The following STIM1 variants were observed in gnomAD, a reference collection of about 807,000 sequenced individuals.
STIM1 encodes the protein stromal interaction molecule 1.
A neutral mutation model predicts 74.7 loss-of-function variants in STIM1; 25 were observed. The ratio of observed to expected loss-of-function variants is 0.33; its 90% CI spans 0.24 to 0.47. The LOEUF (loss-of-function observed/expected upper bound fraction) is 0.47, where lower values mean the gene tolerates loss of function less well. Among genes scored for constraint, STIM1 ranks in the 20% least tolerant of loss-of-function variants. The pLI is 1.00. For missense variants in STIM1, 728 were observed against 920.8 expected, an observed-to-expected ratio of 0.79 and a Z score of 2.71; for synonymous variants, 328 against 348.8, an observed-to-expected ratio of 0.94 and a Z score of 0.66.
At chr11:3,995,308 T>A (rs1446653195) in intron 2 of STIM1, among the ~76,000 whole-genome samples, 1 of 152,200 alleles carries the variant, frequency 6.6e-6, no homozygotes, top group Non-Finnish European at 1.5e-5. Context: ...GTCTGATTCC[T>A]CTGGGGCTTA....
At chr11:3,950,180 C>T (rs904036339) in intron 1 of STIM1, among the ~76,000 whole-genome samples, 1 of 148,592 alleles carries the variant, frequency 6.7e-6, no homozygotes, top group South Asian at 2.1e-4. Context: ...GTTGCCCAGG[C>T]TGGAGTGGAG....
In STIM1 at chr11:4,023,994, G is replaced by A. The variant is rs370889167; in HGVS notation, c.385+7G>A. On this transcript the variant is annotated splice_region_variant and intron_variant, in intron 3 of 12. Transcript: ENST00000526596. ...GCATGGAAGTCATCAGAAGGTAATA[G>A]GCAGCCTGGTCATCAATCCTAGTTG... is the stretch of plus-strand genomic sequence containing the variant. 22 of 1,610,212 alleles carry A rather than the reference G, an allele frequency of 1.4e-5. No individual in the cohort carries two copies. The highest frequency in any genetic ancestry group is 6.7e-5 in the Admixed American group (4 of 59,996).
chr11:4,009,302 A>G (rs1590644250), intron 2 of STIM1, among the ~76,000 whole-genome samples: 1 of 148,904 alleles, frequency 6.7e-6, no homozygotes, highest in African/African-American at 2.5e-5. Flanking sequence ...CAAAAAAAAA[A>G]AAAAAGTTGC....
In STIM1 at chr11:3,977,760, A is replaced by AT. The variant is rs1055831937; in HGVS notation, c.270+10088dup. Among the ~76,000 whole-genome samples, 17 of 150,622 alleles carry AT rather than the reference A, an allele frequency of 1.1e-4. No individual in the cohort carries two copies. In the East Asian group the frequency reaches 1.2e-3, roughly 10 times the overall value. On this transcript the variant is annotated intron_variant, in intron 2 of 12. Transcript: ENST00000526596. ...AATAACCTTACCTTTCTGAGCCTTG[A>AT]TTTTTTTTTTAAGCTATTTGAAGAG...
intron 2 of STIM1, among the ~76,000 whole-genome samples, chr11:3,976,786 G>A (rs1480864941): frequency 1.3e-5 from 2 of 151,506 alleles, no homozygotes; most frequent in Non-Finnish European, 2.9e-5. Flanking sequence ...GAGCCACCAC[G>A]CCTAGCCTGA....
chr11:4,018,438 G>A (rs549015425), intron 2 of STIM1, among the ~76,000 whole-genome samples: 7 of 98,300 alleles, frequency 7.1e-5, no homozygotes, highest in Admixed American at 1.7e-4. Context: ...CGGCCTGGGC[G>A]ACAGAGCGAG....
At chr11:3,882,009 G>T (rs1419416774) in intron 1 of STIM1, among the ~76,000 whole-genome samples, 2 of 150,346 alleles carry the variant, frequency 1.3e-5, no homozygotes, top group Non-Finnish European at 3.0e-5. Flanking sequence ...ATGATGTATT[G>T]TGTCTGGCTT....
chr11:3,896,196 A>G (rs10767688), intron 1 of STIM1, among the ~76,000 whole-genome samples: 108,036 of 151,266 alleles, frequency 0.71, 39,140 homozygotes, highest in African/African-American at 0.87. Flanking sequence ...GAGCCACTGC[A>G]CCTGGCCGGA....
chr11:3,959,082 A>G (rs982956268), intron 1 of STIM1, among the ~76,000 whole-genome samples: 18 of 152,190 alleles, frequency 1.2e-4, no homozygotes, highest in African/African-American at 4.3e-4. Context: ...AAATTTGAAA[A>G]TCTTCCCAGG....
At chr11:4,074,871 GTTCATGCCTGT>G (rs2094428883) in intron 7 of STIM1, among the ~76,000 whole-genome samples, 192 bp downstream of exon 7, 1 of 152,206 alleles carries the variant, frequency 6.6e-6, no homozygotes, top group Non-Finnish European at 1.5e-5. Context: ...AGGCACAGTG[GTTCATGCCTGT>G]AATTCTAGCA....
At chr11:3,978,934 G>C (rs1749705262) in intron 2 of STIM1, among the ~76,000 whole-genome samples, 1 of 152,124 alleles carries the variant, frequency 6.6e-6, no homozygotes, top group Non-Finnish European at 1.5e-5. Flanking sequence ...TTTAGCTCAT[G>C]CTACTAGTTC....
chr11:4,070,498 T>C (rs183132481), intron 6 of STIM1, among the ~76,000 whole-genome samples: 4 of 152,346 alleles, frequency 2.6e-5, no homozygotes, highest in Non-Finnish European at 5.9e-5. Context: ...GGGGTCATTC[T>C]TCCTTCTGCC....
intron 1 of STIM1, among the ~76,000 whole-genome samples, chr11:3,951,773 GC>G (rs1451481743): frequency 6.6e-6 from 1 of 152,138 alleles, no homozygotes; most frequent in Non-Finnish European, 1.5e-5. Context: ...ACTTTTCCCA[GC>G]AGAAAGCCAT....
intron 2 of STIM1, among the ~76,000 whole-genome samples, chr11:3,987,966 T>C (rs533961937): frequency 7.2e-5 from 11 of 152,324 alleles, no homozygotes; most frequent in African/African-American, 2.6e-4. Context: ...TTATATTCTT[T>C]GTCCCTAAGC....
intron 6 of STIM1, among the ~76,000 whole-genome samples, chr11:4,073,693 G>A (rs4910597): frequency 0.24 from 36,373 of 152,080 alleles, 5,525 homozygotes; most frequent in South Asian, 0.44. Context: ...CTGGATGGAA[G>A]GTTTTGTCGG....
At chr11:3,915,120 T>C (rs982881389) in intron 1 of STIM1, among the ~76,000 whole-genome samples, 2 of 152,176 alleles carry the variant, frequency 1.3e-5, no homozygotes, top group South Asian at 2.1e-4. Context: ...TTTTTTGTTG[T>C]TGAGTTATGA....
At chr11:3,996,699 CTTCA>C (rs1270570412) in intron 2 of STIM1, among the ~76,000 whole-genome samples, 1 of 152,162 alleles carries the variant, frequency 6.6e-6, no homozygotes, top group Middle Eastern at 3.2e-3. Context: ...GCATATGTTT[CTTCA>C]TTGGCTGTGT....
chr11:4,059,341 T>C lies in STIM1; in HGVS notation c.558T>C (p.His186=). 6.2e-7 allele frequency: 1 copy of C among 1,614,112 alleles called. No individual in the cohort carries two copies. Among genetic ancestry groups the C allele is most frequent in the Non-Finnish European group, 8.5e-7 (1 of 1,180,006 alleles). Residue 186 remains histidine, a synonymous_variant, in exon 5 of 13, where the codon CAT becomes CAC. Coordinates refer to ENST00000526596, the MANE Select transcript of STIM1 (RefSeq NM_001382567.1). ...TGCTGAAGATGACAGACCGGAGTCATCGGCAGAAGCTGCAGCTGAAGGCTC... is the reference window on the plus strand; with the variant it reads ...TGCTGAAGATGACAGACCGGAGTCACCGGCAGAAGCTGCAGCTGAAGGCTC... The part of the protein sequence containing the change: ...GTVLKMTDRS[H]RQKLQLKALD...
intron 1 of STIM1, among the ~76,000 whole-genome samples, chr11:3,881,369 TTTTA>T (rs1200219592): frequency 6.6e-6 from 1 of 152,184 alleles, no homozygotes; most frequent in East Asian, 1.9e-4. Context: ...GATTATTTTA[TTTTA>T]TTTATTTATT....
Sources: allele counts gnomAD v4.1 joint callset (sites outside exome capture counted in the v4.1 genomes callset), GRCh38; gene constraint gnomAD v4.1.1; transcripts MANE v1.5; gene names NCBI Gene and HGNC (gene_info 2026-07-23, HGNC 2026-07-21).